SYT6: variants seen among roughly 807,000 people sequenced by gnomAD.
SYT6 encodes the protein synaptotagmin 6.
A neutral mutation model predicts 38.4 loss-of-function variants in SYT6; 24 were observed. The ratio of observed to expected loss-of-function variants is 0.62; its 90% CI spans 0.45 to 0.88. SYT6 has a LOEUF of 0.88. Ranked by LOEUF, SYT6 falls within the 40% of genes least tolerant of loss-of-function variation. The probability of loss-of-function intolerance (pLI) is 0.00; values close to 1 mark genes in which losing one functional copy is unlikely to be tolerated. For synonymous variants in SYT6, 265 were observed against 241.9 expected (o/e 1.10, Z -0.89); for missense variants, 611 against 621.0 (o/e 0.98, Z 0.17).
chr1:114,118,515 G>A (rs1258354274), intron 3 of SYT6, among the ~76,000 whole-genome samples: 7 of 152,200 alleles, frequency 4.6e-5, no homozygotes, highest in Admixed American at 3.9e-4. Context: ...TCTTTGCACT[G>A]TATGAACCTG....
intron 4 of SYT6, among the ~76,000 whole-genome samples, chr1:114,100,193 C>T (rs1189139406): frequency 6.6e-6 from 1 of 152,164 alleles, no homozygotes; most frequent in Non-Finnish European, 1.5e-5. Context: ...GTCTCGGTCA[C>T]CATCATAATT....
At chr1:114,095,394 G>A (rs1381543591) in intron 6 of SYT6, among the ~76,000 whole-genome samples, 1 of 152,190 alleles carries the variant, frequency 6.6e-6, no homozygotes, top group Non-Finnish European at 1.5e-5. Context: ...CTGGGGCCAA[G>A]TCCTGGCCCA....
intron 2 of SYT6, among the ~76,000 whole-genome samples, chr1:114,138,737 A>T (rs1461276830): frequency 6.6e-6 from 1 of 152,276 alleles, no homozygotes; most frequent in African/African-American, 2.4e-5. Flanking sequence ...TCTCCTTATC[A>T]ATCACATTGA....
At chr1:114,104,997 C>T (rs960061603) in intron 3 of SYT6, among the ~76,000 whole-genome samples, 2 of 152,026 alleles carry the variant, frequency 1.3e-5, no homozygotes, top group African/African-American at 4.8e-5. Flanking sequence ...CCCTCCCTCC[C>T]GACTCTAGTA....
intron 6 of SYT6, 85 bp downstream of exon 6, chr1:114,097,642 C>T (rs972410383): frequency 2.8e-5 from 43 of 1,534,238 alleles, no homozygotes; most frequent in South Asian, 3.7e-5. Flanking sequence ...CACAAAAGGC[C>T]GAGGGTGTCA....
chr1:114,130,761 C>T (rs918780329), intron 3 of SYT6, among the ~76,000 whole-genome samples: 1 of 152,156 alleles, frequency 6.6e-6, no homozygotes, highest in Admixed American at 6.5e-5. Flanking sequence ...TCTTTGAGGG[C>T]TCGTTGAAGA....
At chr1:114,147,753 A>C (rs910504486) in intron 1 of SYT6, among the ~76,000 whole-genome samples, 4 of 152,218 alleles carry the variant, frequency 2.6e-5, no homozygotes, top group Non-Finnish European at 4.4e-5. Context: ...TTTCTCTTTT[A>C]TTTAGTCAGG....
At chr1:114,104,659 T>G (rs1173845265) in intron 3 of SYT6, among the ~76,000 whole-genome samples, 1 of 131,298 alleles carries the variant, frequency 7.6e-6, no homozygotes, top group Non-Finnish European at 1.6e-5. Flanking sequence ...TGATTTCAGA[T>G]GAGGCCCTCC....
In SYT6 at chr1:114,091,227, A is replaced by T. The variant is rs900700592; in HGVS notation, c.*907T>A. 3 of 152,808 alleles carry T rather than the reference A, an allele frequency of 2.0e-5. No homozygotes were observed. The highest frequency in any genetic ancestry group is 2.9e-5 in the Non-Finnish European group (2 of 68,042). 9.5% of individuals were successfully genotyped at this position (152,808 alleles called of 1,614,324 possible). ...GTTTCTCTCTTACTTTACAATCAAGATTATTTCTGAGGACAAAGATCCTGT... is the reference window on the plus strand; with the variant it reads ...GTTTCTCTCTTACTTTACAATCAAGTTTATTTCTGAGGACAAAGATCCTGT... On this transcript the variant is annotated 3_prime_UTR_variant, in exon 8 of 8. Transcript: ENST00000610222.
At chr1:114,093,683 GACAAAAGGTAATAAGCA>G (rs1487587146) in intron 7 of SYT6, 35 bp downstream of exon 7, 47 of 1,552,370 alleles carry the variant, frequency 3.0e-5, no homozygotes, top group Non-Finnish European at 2.7e-6. Flanking sequence ...GGAAGAAGGA[GACAAAAGGTAATAAGCA>G]ACCTAACGTC....
rs1439646155 is a variant in SYT6 at position 114,124,499 on chromosome 1, G to C, written c.1071+12996C>G. Among the ~76,000 whole-genome samples, 2 of 152,212 alleles carry C rather than the reference G, an allele frequency of 1.3e-5. 1 individual carries two copies. The highest frequency in any genetic ancestry group is 4.2e-4 in the South Asian group (2 of 4,814). On this transcript the variant is annotated intron_variant, in intron 3 of 7. Coordinates refer to ENST00000610222, the MANE Select transcript of SYT6 (RefSeq NM_001253772.2). ...GAATGATGGGAGTGGTGGGGAGCTG[G>C]GGGCAGGTGCCCACCAGCAGTCTGC...
chr1:114,138,056 G>A lies in SYT6; in HGVS notation c.513-3C>T. 6.2e-7 allele frequency: 1 copy of A among 1,612,578 alleles called. No homozygotes were observed. Among genetic ancestry groups the A allele is most frequent in the Non-Finnish European group, 8.5e-7 (1 of 1,179,308 alleles). On this transcript the variant is annotated splice_polypyrimidine_tract_variant and splice_region_variant and intron_variant, in intron 2 of 7. Transcript: ENST00000610222. Reference sequence around the variant, plus strand: ...GGTGGCGCTTGAAGGACGTGTGCCTGGTAGAGGGCAGGAGGGGGCAGAGGG... The same window carrying A: ...GGTGGCGCTTGAAGGACGTGTGCCTAGTAGAGGGCAGGAGGGGGCAGAGGG...
At position 114,153,815 on chromosome 1, in the gene SYT6, G is replaced by A. The variant is rs530400703; in HGVS notation, c.-43C>T. 4.8e-4 allele frequency: 288 copies of A among 602,536 alleles called. No individual in the cohort carries two copies. In the African/African-American group the frequency reaches 5.1e-3, roughly 11 times the overall value. 37.3% of individuals were successfully genotyped at this position (602,536 alleles called of 1,614,324 possible). On this transcript the variant is annotated 5_prime_UTR_variant, in exon 1 of 8. Transcript: ENST00000610222. The stretch of plus-strand genomic sequence containing the variant: ...TTGCCGAGCAGCAGCTCGAACCCGC[G>A]CCCCGGCCGCACTGGGGCGGGGCAC...
At chr1:114,092,200 T>G in intron 7 of SYT6, 118 bp from the exon 8 acceptor site, 1 of 967,272 alleles carries the variant, frequency 1.0e-6, no homozygotes, top group Non-Finnish European at 1.5e-6. Flanking sequence ...TAAGCTTTCT[T>G]GAATTTTGCT....
At chr1:114,122,119 A>G (rs1677440472) in intron 3 of SYT6, among the ~76,000 whole-genome samples, 1 of 152,218 alleles carries the variant, frequency 6.6e-6, no homozygotes, top group Non-Finnish European at 1.5e-5. Context: ...CCTGACTGAC[A>G]GCGCAGAGCT....
chr1:114,109,012 G>C (rs1440660975), intron 3 of SYT6, among the ~76,000 whole-genome samples: 1 of 113,176 alleles, frequency 8.8e-6, no homozygotes, highest in Non-Finnish European at 1.5e-5. Flanking sequence ...TGGGAGGGTA[G>C]GGGGGCTGGA....
intron 1 of SYT6, among the ~76,000 whole-genome samples, chr1:114,149,017 C>T (rs1340819865): frequency 6.6e-6 from 1 of 152,056 alleles, no homozygotes; most frequent in African/African-American, 2.4e-5. Flanking sequence ...GGGAGGGATA[C>T]TCCCACTTTT....
intron 3 of SYT6, among the ~76,000 whole-genome samples, chr1:114,129,863 T>C (rs944487903): frequency 6.6e-6 from 1 of 151,318 alleles, no homozygotes; most frequent in Non-Finnish European, 1.5e-5. Context: ...TTTTAATTTT[T>C]TGTAGAGACG....
intron 3 of SYT6, among the ~76,000 whole-genome samples, chr1:114,108,296 C>T (rs1676452281): frequency 6.6e-6 from 1 of 152,154 alleles, no homozygotes; most frequent in East Asian, 1.9e-4. Context: ...CCCTGGCTTC[C>T]CAGAGGCCCA....
Sources: allele counts gnomAD v4.1 joint callset (sites outside exome capture counted in the v4.1 genomes callset), GRCh38; gene constraint gnomAD v4.1.1; transcripts MANE v1.5; gene names NCBI Gene and HGNC (gene_info 2026-07-23, HGNC 2026-07-21).